MED12L: variants seen among roughly 807,000 people sequenced by gnomAD.
MED12L encodes mediator complex subunit 12L.
MED12L carries 60 observed loss-of-function variants against 281.3 expected under a neutral mutation model. That is an observed-to-expected ratio of 0.21 (90% CI 0.17 to 0.26). MED12L has a LOEUF of 0.26. Ranked by LOEUF, MED12L falls within the 10% of genes least tolerant of loss-of-function variation. The pLI is 1.00. For missense variants in MED12L, 2,146 were observed against 2,680.9 expected (o/e 0.80, Z 4.41); for synonymous variants, 974 against 987.2 (o/e 0.99, Z 0.25).
rs150233101 is a variant in MED12L at position 151,368,249 on chromosome 3, C to T, written c.3548C>T (p.Thr1183Met). The T allele has an allele frequency of 4.0e-5, 64 of 1,612,956 alleles. No homozygotes were observed. Among genetic ancestry groups the T allele is most frequent in the Admixed American group, 1.3e-4 (8 of 59,996 alleles). Residue 1183 changes from threonine to methionine, a missense_variant and splice_region_variant, in exon 25 of 45, where the codon ACG becomes ATG. By Grantham distance (81) the Thr-to-Met change is moderately conservative (BLOSUM62 -1). Transcript: ENST00000687756. ...CAGGCCTGCTTCTTACCTCAAGCAA[C>T]GGGTGAGCTGACTGCAGAAAAATCT... is the stretch of plus-strand genomic sequence containing the variant. ...APQACFLPQA[T>M]GKPFPGIRSS...
chr3:151,243,606 C>T (rs1252249058), intron 16 of MED12L, among the ~76,000 whole-genome samples: 3 of 151,684 alleles, frequency 2.0e-5, no homozygotes, highest in Non-Finnish European at 3.0e-5. Context: ...TAAAAGAGCT[C>T]CTGAAGGAAG....
At chr3:151,299,423 C>T (rs2149715382) in intron 16 of MED12L, among the ~76,000 whole-genome samples, 1 of 98,290 alleles carries the variant, frequency 1.0e-5, no homozygotes, top group African/African-American at 3.7e-5. Context: ...CTCCCCTCCC[C>T]CTCCTCTCCT....
At chr3:151,115,329 T>C (rs1021523763) in intron 2 of MED12L, among the ~76,000 whole-genome samples, 6 of 7,504 alleles carry the variant, frequency 8.0e-4, no homozygotes, top group Admixed American at 1.5e-3. Flanking sequence ...AAACAATTCT[T>C]TTTTTTTTTT....
chr3:151,325,760 G>A (rs1048674467), intron 16 of MED12L, among the ~76,000 whole-genome samples: 2 of 152,024 alleles, frequency 1.3e-5, no homozygotes, highest in Non-Finnish European at 2.9e-5. Flanking sequence ...TATACTTTAG[G>A]TGTACCCACA....
chr3:151,237,100 G>T (rs572743745), intron 16 of MED12L, among the ~76,000 whole-genome samples: 1 of 148,286 alleles, frequency 6.7e-6, no homozygotes, highest in East Asian at 2.0e-4. Context: ...CCAGGCTGGA[G>T]TACCAGTCTC....
intron 39 of MED12L, among the ~76,000 whole-genome samples, chr3:151,397,990 G>T (rs948285243): frequency 2.0e-5 from 3 of 152,068 alleles, no homozygotes; most frequent in Non-Finnish European, 4.4e-5. Flanking sequence ...GTAACCCACT[G>T]GTTACCCCCT....
chr3:151,281,200 G>A (rs9875587), intron 16 of MED12L, among the ~76,000 whole-genome samples: 16,136 of 126,030 alleles, frequency 0.13, 1,194 homozygotes, highest in Middle Eastern at 0.28. Context: ...CAGCCTGACC[G>A]ACATGGTGAA....
At chr3:151,226,683 T>C (rs1411252238) in intron 16 of MED12L, among the ~76,000 whole-genome samples, 1 of 152,172 alleles carries the variant, frequency 6.6e-6, no homozygotes, top group Non-Finnish European at 1.5e-5. Flanking sequence ...GTTTTTGATC[T>C]GAGTTTTAAG....
At chr3:151,361,767 A>C (rs970608537) in intron 21 of MED12L, among the ~76,000 whole-genome samples, 2 of 152,052 alleles carry the variant, frequency 1.3e-5, no homozygotes, top group Non-Finnish European at 2.9e-5. Context: ...TTTCAGAGCT[A>C]TTTGCATGCT....
chr3:151,284,638 C>T (rs1559981576), intron 16 of MED12L, among the ~76,000 whole-genome samples: 1 of 152,064 alleles, frequency 6.6e-6, no homozygotes, highest in East Asian at 1.9e-4. Context: ...ACAGAGTTTT[C>T]GCCCTTGTTG....
intron 16 of MED12L, among the ~76,000 whole-genome samples, chr3:151,220,067 G>T (rs1729040449): frequency 6.8e-6 from 1 of 148,140 alleles, no homozygotes; most frequent in Non-Finnish European, 1.5e-5. Flanking sequence ...ATTTATTTTT[G>T]GGAGCTGTCC....
chr3:151,428,576 C>T (rs1429557139), intron 43 of MED12L, among the ~76,000 whole-genome samples: 1 of 152,218 alleles, frequency 6.6e-6, no homozygotes. Context: ...CCGGATATTA[C>T]AGATACATCA....
chr3:151,245,233 A>T (rs1219052777), intron 16 of MED12L, among the ~76,000 whole-genome samples: 2 of 152,230 alleles, frequency 1.3e-5, no homozygotes, highest in Non-Finnish European at 2.9e-5. Flanking sequence ...TACTCCAATC[A>T]ATAGAAAAAG....
intron 16 of MED12L, among the ~76,000 whole-genome samples, chr3:151,206,642 CTTTTTTTT>C (rs747558778): frequency 4.3e-5 from 3 of 70,326 alleles, no homozygotes; most frequent in East Asian, 1.0e-3. Context: ...AACACATTAT[CTTTTTTTT>C]TTTTTTTTTT....
intron 16 of MED12L, among the ~76,000 whole-genome samples, chr3:151,246,155 TGGGTA>T: frequency 6.6e-6 from 1 of 152,158 alleles, no homozygotes; most frequent in African/African-American, 2.4e-5. Flanking sequence ...TCCATGCTCA[TGGGTA>T]GGAAGAATAA....
At position 151,412,442 on chromosome 3, in the gene MED12L, G is replaced by A. The variant is rs138181107; in HGVS notation, c.6141-697G>A. On this transcript the variant is annotated intron_variant, in intron 41 of 44. Transcript: ENST00000687756. Reference sequence around the variant, plus strand: ...ATAGAAAGTTCTGTTGGATAGTACTGTCTTAGCAGCATCATGTAAAACGTG... The same window carrying A: ...ATAGAAAGTTCTGTTGGATAGTACTATCTTAGCAGCATCATGTAAAACGTG... Among the ~76,000 whole-genome samples, 13 of 152,304 alleles carry A rather than the reference G, an allele frequency of 8.5e-5. No homozygotes were observed. In the East Asian group the frequency reaches 1.5e-3, roughly 18 times the overall value.
chr3:151,234,213 C>G (rs1389612653), intron 16 of MED12L, among the ~76,000 whole-genome samples: 1 of 152,104 alleles, frequency 6.6e-6, no homozygotes, highest in African/African-American at 2.4e-5. Flanking sequence ...GGTAAAAAAC[C>G]CATTATTTGC....
At chr3:151,138,807 C>T (rs1319783166) in intron 5 of MED12L, among the ~76,000 whole-genome samples, 2 of 152,134 alleles carry the variant, frequency 1.3e-5, no homozygotes, top group Non-Finnish European at 2.9e-5. Context: ...GTAGCACTTA[C>T]CAGGTTTTAC....
At chr3:151,410,532 C>T (rs1716821235) in intron 40 of MED12L, among the ~76,000 whole-genome samples, 1 of 152,214 alleles carries the variant, frequency 6.6e-6, no homozygotes, top group Non-Finnish European at 1.5e-5. Flanking sequence ...CCTTAATTAG[C>T]ATTGTGTTCT....
Sources: allele counts gnomAD v4.1 joint callset (sites outside exome capture counted in the v4.1 genomes callset), GRCh38; gene constraint gnomAD v4.1.1; transcripts MANE v1.5; gene names NCBI Gene and HGNC (gene_info 2026-07-23, HGNC 2026-07-21).